The following UTY variants were observed in gnomAD, a reference collection of about 807,000 sequenced individuals.
UTY encodes ubiquitously transcribed tetratricopeptide repeat containing, Y-linked.
UTY carries 12 observed loss-of-function variants against 32.5 expected under a neutral mutation model. The ratio of observed to expected loss-of-function variants is 0.37; its 90% CI spans 0.24 to 0.60. The LOEUF is 0.60. Among genes scored for constraint, UTY ranks in the 20% least tolerant of loss-of-function variants. The pLI is 0.69. For missense variants in UTY, 303 were observed against 299.2 expected, an observed-to-expected ratio of 1.01 and a Z score of -0.09; for synonymous variants, 131 against 103.4, an observed-to-expected ratio of 1.27 and a Z score of -1.62.
chrY:13,439,116 T>C, intron 4 of UTY, among the ~76,000 whole-genome samples: 4 of 32,615 alleles, frequency 1.2e-4, no homozygotes, highest in Non-Finnish European at 3.0e-4. Context: ...ATCAAACAGA[T>C]GGGTCCTATA....
intron 27 of UTY, 96 bp downstream of exon 27, chrY:13,297,611 A>AT (rs2058110569): frequency 2.6e-6 from 1 of 382,809 alleles, no homozygotes; most frequent in African/African-American, 6.5e-5. Flanking sequence ...TGGACTGCTG[A>AT]TATCATTTAA....
chrY:13,446,553 GATAGA>G (rs2075778180), intron 4 of UTY, among the ~76,000 whole-genome samples: 1 of 2,347 alleles, frequency 4.3e-4, no homozygotes, highest in Non-Finnish European at 7.6e-4. Flanking sequence ...AACAGTGTGA[GATAGA>G]TAGATAGATA....
chrY:13,268,724 T>C, intron 27 of UTY, among the ~76,000 whole-genome samples: 1 of 33,768 alleles, frequency 3.0e-5, no homozygotes, highest in Non-Finnish European at 7.3e-5. Context: ...TTGGATGTTC[T>C]TTTTGTTGAT....
intron 4 of UTY, among the ~76,000 whole-genome samples, chrY:13,419,841 C>T: frequency 3.0e-5 from 1 of 33,429 alleles, no homozygotes; most frequent in Non-Finnish European, 7.4e-5. Flanking sequence ...TATAGTCAGG[C>T]AAAATCACTG....
intron 8 of UTY, among the ~76,000 whole-genome samples, chrY:13,376,219 A>G: frequency 3.0e-5 from 1 of 33,475 alleles, no homozygotes; most frequent in East Asian, 7.7e-4. Context: ...TGATTTTTAC[A>G]TATTTTCTCC....
chrY:13,307,980 A>G (rs1056398515), intron 21 of UTY, among the ~76,000 whole-genome samples: 1 of 32,807 alleles, frequency 3.0e-5, no homozygotes, highest in Admixed American at 2.8e-4. Context: ...GGCCAGGCAC[A>G]GTGGCTCATG....
In UTY at chrY:13,336,048, T is replaced by C; in HGVS notation, c.2349A>G (p.Thr783=). 2.5e-6 allele frequency: 1 copy of C among 397,222 alleles called. No individual in the cohort carries two copies. Among genetic ancestry groups the C allele is most frequent in the Non-Finnish European group, 3.5e-6 (1 of 283,370 alleles). Residue 783 remains threonine (T), a synonymous_variant, in exon 18 of 30, where the codon ACA becomes ACG. Transcript: ENST00000545955. ...VPETSRHTGD[T]SNGCADVKGL... ...CCTTGACATCAGCACAGCCATTAGA[T>C]GTGTCTCCAGTATGCCTGCTTGTTT...
chrY:13,470,985 C>A, intron 2 of UTY, among the ~76,000 whole-genome samples: 1 of 32,841 alleles, frequency 3.0e-5, no homozygotes. Context: ...GGAGTGGTTA[C>A]GGGTTCCGAT....
At chrY:13,319,653 C>G in intron 21 of UTY, among the ~76,000 whole-genome samples, 1 of 33,752 alleles carries the variant, frequency 3.0e-5, no homozygotes, top group Non-Finnish European at 7.4e-5. Context: ...CACACTGATA[C>G]AAGACTAGCA....
intron 13 of UTY, 132 bp downstream of exon 13, chrY:13,358,949 AAATTTTT>A: frequency 4.0e-6 from 1 of 248,183 alleles, no homozygotes; most frequent in South Asian, 6.9e-5. Context: ...TAGAATTAAA[AAATTTTT>A]ATTTTTTAAT....
At chrY:13,311,172 G>A (rs2059042363) in intron 21 of UTY, among the ~76,000 whole-genome samples, 1 of 32,973 alleles carries the variant, frequency 3.0e-5, no homozygotes, top group African/African-American at 1.2e-4. Flanking sequence ...CATACTATAA[G>A]GTTACATACA....
intron 27 of UTY, among the ~76,000 whole-genome samples, chrY:13,285,379 T>G (rs2057295804): frequency 2.9e-5 from 1 of 33,946 alleles, no homozygotes; most frequent in Admixed American, 2.6e-4. Context: ...TCGCATCTAT[T>G]TAGATGCAAT....
At chrY:13,298,783 T>C (rs2058218536) in intron 26 of UTY, among the ~76,000 whole-genome samples, 174 bp downstream of exon 26, 1 of 20,976 alleles carries the variant, frequency 4.8e-5, no homozygotes, top group Admixed American at 4.5e-4. Context: ...AAAAAAAAAG[T>C]GTTCTTGGAT....
intron 8 of UTY, among the ~76,000 whole-genome samples, chrY:13,371,070 T>C: frequency 3.2e-5 from 1 of 31,607 alleles, no homozygotes; most frequent in African/African-American, 1.3e-4. Context: ...AACACAACAA[T>C]ACAAAAACCC....
chrY:13,405,065 ATG>A (rs1161755104), intron 6 of UTY, among the ~76,000 whole-genome samples: 2 of 32,309 alleles, frequency 6.2e-5, no homozygotes, highest in Non-Finnish European at 1.5e-4. Context: ...ATGTGTACAT[ATG>A]TGTGTGTGTG....
In UTY at chrY:13,363,888, G is replaced by C; in HGVS notation, c.866+2379C>G. 9.0e-5 allele frequency among the ~76,000 whole-genome samples: 3 copies of C among 33,352 alleles called. No homozygotes were observed. The East Asian group carries it at 2.3e-3, about 25-fold the overall frequency. The allele number at this position is 33,352 out of a possible 37,273, so 89.5% of individuals were successfully genotyped here. A position where few individuals can be genotyped will look rare whatever the true frequency, so the allele number is the denominator to read the frequency against. Reference sequence around the variant, plus strand: ...TCAAAACACTTTGTTGTGCAATGCAGATACAAAAAAGATTCAGCTTCTCCT... The same window carrying C: ...TCAAAACACTTTGTTGTGCAATGCACATACAAAAAAGATTCAGCTTCTCCT... On this transcript the variant is annotated intron_variant, in intron 10 of 29. Coordinates refer to ENST00000545955, the MANE Select transcript of UTY (RefSeq NM_001258249.2).
intron 17 of UTY, among the ~76,000 whole-genome samples, chrY:13,337,524 T>TACAA (rs2061167605): frequency 3.0e-5 from 1 of 32,973 alleles, no homozygotes. Flanking sequence ...AACCCAGCAA[T>TACAA]ATATAATAAT....
Position 13,335,800 on chromosome Y carries a change from G to C in UTY, c.2597C>G (p.Ala866Gly). ...AGGAGAAGGTGTTGCTGTGGAAATG[G>C]CTGAAGAGGGTGAAGAGGCAACAGA... The part of the protein sequence containing the change: ...DHSVASSPSS[A>G]ISTATPSPKS... The change falls in exon 18 of 30, where the codon GCC becomes GGC. Residue 866 changes from alanine (A) to glycine (G), a missense_variant. Physicochemically the swap from Ala to Gly is moderately conservative, Grantham distance 60. Transcript: ENST00000545955. The C allele has an allele frequency of 2.5e-6, 1 of 399,172 alleles. No homozygotes were observed. The highest frequency in any genetic ancestry group is 3.5e-6 in the Non-Finnish European group (1 of 283,683).
chrY:13,317,327 A>C (rs2059553813), intron 21 of UTY, among the ~76,000 whole-genome samples: 4 of 33,932 alleles, frequency 1.2e-4, no homozygotes, highest in African/African-American at 4.6e-4. Flanking sequence ...TTAATAAAGA[A>C]GACACTGGTA....
Sources: gnomAD v4.1 joint callset for allele counts (sites outside exome capture counted in the v4.1 genomes callset) on GRCh38, gnomAD v4.1.1 for gene constraint, MANE v1.5 for transcripts, NCBI Gene and HGNC (gene_info 2026-07-23, HGNC 2026-07-21) for gene names.